SLC14A2: variants seen among roughly 807,000 people sequenced by gnomAD.
The protein encoded by SLC14A2 is urea transporter 2.
In SLC14A2, 91 loss-of-function variants were observed where a neutral mutation model predicts 104.6. The ratio of observed to expected loss-of-function variants is 0.87; its 90% CI spans 0.73 to 1.04. The LOEUF (loss-of-function observed/expected upper bound fraction) is 1.04, where lower values mean the gene tolerates loss of function less well. SLC14A2 is among the 50% of genes least tolerant of loss of function. The pLI is 0.00. For missense variants in SLC14A2, 1,189 were observed against 1,156.0 expected (o/e 1.03, Z -0.41); for synonymous variants, 476 against 466.4 (o/e 1.02, Z -0.27).
chr18:45,510,955 C>A (rs560005529), intron 2 of SLC14A2, among the ~76,000 whole-genome samples: 1 of 152,300 alleles, frequency 6.6e-6, no homozygotes, highest in South Asian at 2.1e-4. Context: ...AATAAGACTT[C>A]TTTTTCCCCC....
At chr18:45,473,678 T>C (rs2144674372) in intron 1 of SLC14A2, among the ~76,000 whole-genome samples, 1 of 152,320 alleles carries the variant, frequency 6.6e-6, no homozygotes, top group Non-Finnish European at 1.5e-5. Context: ...GGCTCTTTGT[T>C]TGTCTATGAT....
chr18:45,667,714 G>A (rs1182407198), intron 13 of SLC14A2, 119 bp from the exon 14 acceptor site: 1 of 744,134 alleles, frequency 1.3e-6, no homozygotes, highest in African/African-American at 1.7e-5. Context: ...GGTGACAGCA[G>A]GTGGCTGGCT....
the SLC14A2 span, among the ~76,000 whole-genome samples, chr18:45,183,087 G>A: frequency 1.3e-5 from 2 of 152,142 alleles, no homozygotes; most frequent in African/African-American, 4.8e-5. Context: ...TAGTTCCTGG[G>A]TCCATCTGTT....
At chr18:45,488,564 T>G (rs1403720901) in intron 2 of SLC14A2, among the ~76,000 whole-genome samples, 2 of 152,164 alleles carry the variant, frequency 1.3e-5, no homozygotes, top group African/African-American at 4.8e-5. Context: ...GGGCATTCTG[T>G]GTTACAGTAA....
intron 1 of SLC14A2, among the ~76,000 whole-genome samples, chr18:45,361,709 C>T (rs2085613272): frequency 6.6e-6 from 1 of 152,220 alleles, no homozygotes; most frequent in South Asian, 2.1e-4. Context: ...AGCCCTCTCC[C>T]TCTCGGCCAG....
chr18:45,356,511 T>C (rs2085555710), intron 1 of SLC14A2, among the ~76,000 whole-genome samples: 1 of 152,100 alleles, frequency 6.6e-6, no homozygotes. Context: ...CAGTGACAAA[T>C]TGGACTAATG....
chr18:45,520,599 T>C (rs140080631), intron 2 of SLC14A2, among the ~76,000 whole-genome samples: 3 of 152,326 alleles, frequency 2.0e-5, no homozygotes, highest in Non-Finnish European at 4.4e-5. Context: ...GCTAGATCTT[T>C]ATAGAGAAGT....
the SLC14A2 span, among the ~76,000 whole-genome samples, chr18:45,170,151 T>G: frequency 2.0e-5 from 3 of 151,082 alleles, no homozygotes; most frequent in Non-Finnish European, 4.4e-5. Flanking sequence ...TCGGTCACTC[T>G]GCTCCCGAGC....
chr18:45,606,739 AAAAAAAAACAAAAC>A (rs1033810790), intron 2 of SLC14A2, among the ~76,000 whole-genome samples: 5 of 69,730 alleles, frequency 7.2e-5, no homozygotes, highest in African/African-American at 2.7e-4. Context: ...CTAATTAAAA[AAAAAAAAACAAAAC>A]AAAAACAAAA....
the SLC14A2 span, among the ~76,000 whole-genome samples, chr18:45,192,642 T>TTTTTGTTTTTTTTTGTTTTG: frequency 2.1e-5 from 3 of 144,930 alleles, no homozygotes; most frequent in East Asian, 5.9e-4. Flanking sequence ...GTGTGGTTTT[T>TTTTTGTTTTTTTTTGTTTTG]TTTTGTTTTG....
intron 1 of SLC14A2, among the ~76,000 whole-genome samples, chr18:45,393,955 A>G (rs1208358832): frequency 6.6e-6 from 1 of 152,196 alleles, no homozygotes. Flanking sequence ...TGGAGATGGG[A>G]TCCAGATTCA....
chr18:45,657,657 A>G (rs913251551), intron 10 of SLC14A2, among the ~76,000 whole-genome samples: 1 of 152,228 alleles, frequency 6.6e-6, no homozygotes, highest in African/African-American at 2.4e-5. Flanking sequence ...AAGATAAGAG[A>G]GAAGAGACAC....
chr18:45,544,582 G>T (rs1212059739), intron 2 of SLC14A2, among the ~76,000 whole-genome samples: 1 of 151,716 alleles, frequency 6.6e-6, no homozygotes, highest in Non-Finnish European at 1.5e-5. Flanking sequence ...AGAAGCCAAA[G>T]AAAAAAACAA....
intron 1 of SLC14A2, among the ~76,000 whole-genome samples, chr18:45,449,618 C>T (rs2086826765): frequency 1.3e-5 from 2 of 152,162 alleles, no homozygotes; most frequent in Admixed American, 1.3e-4. Context: ...TAACTGCCTG[C>T]TTGCTTCACT....
intron 10 of SLC14A2, among the ~76,000 whole-genome samples, chr18:45,660,485 G>A (rs569950843): frequency 1.3e-5 from 2 of 152,162 alleles, no homozygotes; most frequent in Non-Finnish European, 1.5e-5. Context: ...AGCGCATTTC[G>A]TAAGCATTAT....
the SLC14A2 span, among the ~76,000 whole-genome samples, chr18:45,188,302 A>G: frequency 6.6e-6 from 1 of 152,196 alleles, no homozygotes; most frequent in African/African-American, 2.4e-5. Context: ...GCTCTCAGGT[A>G]AGAATTTATA....
intron 6 of SLC14A2, among the ~76,000 whole-genome samples, chr18:45,638,841 C>T (rs183811541): frequency 6.6e-6 from 1 of 152,322 alleles, no homozygotes; most frequent in African/African-American, 2.4e-5. Flanking sequence ...CACAGTCACA[C>T]AGTGAACTGT....
upstream of SLC14A2, among the ~76,000 whole-genome samples, chr18:45,208,135 C>CA (rs1568101528): frequency 2.0e-5 from 3 of 152,148 alleles, no homozygotes; most frequent in Non-Finnish European, 4.4e-5. Context: ...ACCTAGAGAA[C>CA]AGATATGCAC....
chr18:45,446,946 C>T (rs927919579), intron 1 of SLC14A2, among the ~76,000 whole-genome samples: 1 of 152,178 alleles, frequency 6.6e-6, no homozygotes, highest in Admixed American at 6.5e-5. Flanking sequence ...CCCTGCTTCT[C>T]ATCCCCACCT....
Sources: gnomAD v4.1 joint callset for allele counts (sites outside exome capture counted in the v4.1 genomes callset) on GRCh38, gnomAD v4.1.1 for gene constraint, MANE v1.5 for transcripts, NCBI Gene and HGNC (gene_info 2026-07-23, HGNC 2026-07-21) for gene names.